Variants in DIXDC1 observed in about 807,000 individuals in gnomAD.
DIXDC1 encodes dixin.
Under a neutral mutation model 103.1 loss-of-function variants are expected in DIXDC1, and 64 were observed. The observed-to-expected ratio is 0.62, with a 90% CI of 0.51 to 0.76. The LOEUF (loss-of-function observed/expected upper bound fraction) is 0.76. DIXDC1 is among the 30% of genes least tolerant of loss of function. DIXDC1 has a pLI of 0.00. For synonymous variants in DIXDC1, 266 were observed against 298.5 expected (o/e 0.89, Z 1.12); for missense variants, 759 against 834.2 (o/e 0.91, Z 1.11).
intron 5 of DIXDC1, chr11:111,975,316 G>A: frequency 8.8e-7 from 1 of 1,140,912 alleles, no homozygotes; most frequent in South Asian, 2.2e-5. Context: ...GTTTATGATA[G>A]CCAGTTCCAT....
At chr11:111,966,091 A>T (rs897886915) in intron 2 of DIXDC1, among the ~76,000 whole-genome samples, 1 of 151,754 alleles carries the variant, frequency 6.6e-6, no homozygotes, top group Non-Finnish European at 1.5e-5. Context: ...AGTTTCTTGC[A>T]TTTCTTCCCA....
chr11:111,999,339 C>A (rs1555175736), intron 17 of DIXDC1, among the ~76,000 whole-genome samples: 1 of 152,060 alleles, frequency 6.6e-6, no homozygotes, highest in Non-Finnish European at 1.5e-5. Context: ...CCCATATAAC[C>A]AGAGAATGTT....
rs587632759 is a variant in DIXDC1, at chr11:111,998,690, C to G, written c.1756+2544C>G. On this transcript the variant is annotated intron_variant, in intron 17 of 19. Coordinates refer to ENST00000440460, the MANE Select transcript of DIXDC1 (RefSeq NM_001037954.4). The surrounding 1 kb of genome is among the most constrained non-coding windows in gnomAD (Gnocchi z 4.1). Reference sequence around the variant, plus strand: ...TCCTGATTACAGGCGCCCGCCACCACGCCCGGCTAATTTTTTGTATTTTAG... The same window carrying G: ...TCCTGATTACAGGCGCCCGCCACCAGGCCCGGCTAATTTTTTGTATTTTAG... Among the ~76,000 whole-genome samples, 1 of 152,108 alleles carries G rather than the reference C, an allele frequency of 6.6e-6. No homozygotes were observed. The highest frequency in any genetic ancestry group is 1.5e-5 in the Non-Finnish European group (1 of 68,030).
At position 111,998,826 on chromosome 11, in the gene DIXDC1, G is replaced by A. The variant is rs10891306; in HGVS notation, c.1756+2680G>A. On this transcript the variant is annotated intron_variant, in intron 17 of 19. Transcript: ENST00000440460. The surrounding 1 kb of genome is among the most constrained non-coding windows in gnomAD (Gnocchi z 4.1). ...TGGGATTACAGGCGTGAGCCACCGC[G>A]CCTGGCCTAGTACTATATTTTTAAA... Among the ~76,000 whole-genome samples, 4 of 151,968 alleles carry A rather than the reference G, an allele frequency of 2.6e-5. No individual in the cohort carries two copies. Among genetic ancestry groups the A allele is most frequent in the African/African-American group, 7.3e-5 (3 of 41,358 alleles).
chr11:111,974,284 G>C (rs1555172381), intron 4 of DIXDC1, 30 bp downstream of exon 4: 10 of 1,583,108 alleles, frequency 6.3e-6, no homozygotes, highest in Non-Finnish European at 8.6e-6. Flanking sequence ...GGTGGGAACT[G>C]ATCCCTCTCT....
chr11:112,017,933 A>C lies in DIXDC1; in HGVS notation c.1971+48A>C, dbSNP rs1555177961. 2 of 1,462,592 alleles carry C rather than the reference A, an allele frequency of 1.4e-6. No homozygotes were observed. Among genetic ancestry groups the C allele is most frequent in the Non-Finnish European group, 1.9e-6 (2 of 1,064,882 alleles). The allele number at this position is 1,462,592 out of a possible 1,614,324, so 90.6% of individuals were successfully genotyped here. A position where few individuals can be genotyped will look rare whatever the true frequency, so the allele number is the denominator to read the frequency against. ...GTATGGTATTATTGGTCCTTTCTGA[A>C]CCCTGAAGCCTCCTGTTCAAGCACT... On this transcript the variant is annotated intron_variant, in intron 19 of 19. Transcript: ENST00000440460. This position sits in a 1 kb window ranked among gnomAD's most constrained non-coding sequence, Gnocchi z 4.0.
intron 9 of DIXDC1, 38 bp downstream of exon 9, chr11:111,986,962 T>C: frequency 6.5e-7 from 1 of 1,533,906 alleles, no homozygotes. Context: ...CTTAAAAACA[T>C]TATGGGGGCC....
intron 5 of DIXDC1, among the ~76,000 whole-genome samples, chr11:111,978,572 C>T (rs1353036749): frequency 3.3e-5 from 5 of 152,206 alleles, no homozygotes; most frequent in Non-Finnish European, 5.9e-5. Context: ...GATATCCAGA[C>T]ATCCGCCTCC....
chr11:111,959,291 A>G (rs1488216178), intron 1 of DIXDC1, among the ~76,000 whole-genome samples: 1 of 152,230 alleles, frequency 6.6e-6, no homozygotes, highest in Admixed American at 6.5e-5. Flanking sequence ...GAGCTCCCCA[A>G]GCCAGGGCTG....
rs1431319705 is a variant in DIXDC1 at position 111,998,140 on chromosome 11, C to T, written c.1756+1994C>T. Among the ~76,000 whole-genome samples the T allele has an allele frequency of 3.9e-5, 6 of 152,226 alleles. No homozygotes were observed. The highest frequency in any genetic ancestry group is 1.4e-4 in the African/African-American group (6 of 41,494). On this transcript the variant is annotated intron_variant, in intron 17 of 19. Coordinates refer to ENST00000440460, the MANE Select transcript of DIXDC1 (RefSeq NM_001037954.4). This position sits in a 1 kb window ranked among gnomAD's most constrained non-coding sequence, Gnocchi z 4.1. ...TTCATTGTCTTTTCAAAAGCATTTA[C>T]TATTCTCTAAAAGTCTCCTGGAAAC...
Position 111,942,873 on chromosome 11 carries a change from C to T in DIXDC1, c.60+5314C>T, listed in dbSNP as rs368557633. Among the ~76,000 whole-genome samples, 15 of 152,266 alleles carry T rather than the reference C, an allele frequency of 9.9e-5. No homozygotes were observed. In the South Asian group the frequency reaches 1.9e-3, roughly 19 times the overall value. ...GGTACTGAACCTGACTGCCATCAGT[C>T]GGAGCCTGTTTCTCTTCATGTTTTC... is the stretch of plus-strand genomic sequence containing the variant. On this transcript the variant is annotated intron_variant, in intron 1 of 19. Coordinates refer to ENST00000440460, the MANE Select transcript of DIXDC1 (RefSeq NM_001037954.4).
chr11:112,018,837 A>C, intron 19 of DIXDC1, 119 bp from the exon 20 acceptor site: 1 of 766,826 alleles, frequency 1.3e-6, no homozygotes, highest in Non-Finnish European at 2.1e-6. Context: ...CCAAAAGGAC[A>C]TAGACTCTTA....
chr11:112,005,772 G>A (rs1395877962), intron 17 of DIXDC1, among the ~76,000 whole-genome samples: 2 of 152,168 alleles, frequency 1.3e-5, no homozygotes, highest in Non-Finnish European at 2.9e-5. Context: ...GATAAATCTA[G>A]TTACAATTGG....
At chr11:111,975,820 A>G (rs1196720608) in intron 5 of DIXDC1, 2 of 985,016 alleles carry the variant, frequency 2.0e-6, no homozygotes, top group Non-Finnish European at 2.4e-6. Flanking sequence ...ATAAAACTCC[A>G]TCCTATTTTA....
In DIXDC1 at chr11:112,017,647, C is replaced by T. The variant is rs587622863; in HGVS notation, c.1863-130C>T. The T allele has an allele frequency of 8.0e-6, 5 of 626,200 alleles. No individual in the cohort carries two copies. The highest frequency in any genetic ancestry group is 2.1e-5 in the South Asian group (1 of 47,304). 38.8% of individuals were successfully genotyped at this position (626,200 alleles called of 1,614,324 possible). On this transcript the variant is annotated intron_variant, in intron 18 of 19. Transcript: ENST00000440460. The surrounding 1 kb of genome is among the most constrained non-coding windows in gnomAD (Gnocchi z 4.0). ...CTGCTGTTTTAGTCATCTGGGTTAT[C>T]GGGGCAGTGACCTAACAAGGGGCTA...
At chr11:111,991,121 C>G (rs1440048340) in intron 10 of DIXDC1, among the ~76,000 whole-genome samples, 1 of 152,198 alleles carries the variant, frequency 6.6e-6, no homozygotes, top group Non-Finnish European at 1.5e-5. Flanking sequence ...CGTTCATGGG[C>G]TAGACTATTC....
In DIXDC1 at chr11:111,992,494, A is replaced by G. The variant is rs1555174655; in HGVS notation, c.1193A>G (p.Asp398Gly). 2 of 1,570,928 alleles carry G rather than the reference A, an allele frequency of 1.3e-6. No homozygotes were observed. The highest frequency in any genetic ancestry group is 3.7e-5 in the Admixed American group (2 of 53,502). Residue 398 changes from aspartate (D) to glycine (G), a missense_variant, in exon 11 of 20, where the codon GAC becomes GGC. This residue lies in a region of DIXDC1 where 657 missense variants were observed against 727.5 expected (regional missense o/e 0.90). Coordinates refer to ENST00000440460, the MANE Select transcript of DIXDC1 (RefSeq NM_001037954.4). The stretch of plus-strand genomic sequence containing the variant: ...CAAGAGCTACTGAGGGCAAATATGG[A>G]CAAAGATGAGCTGCACAACCAGAAT... ...LKQELLRANM[D>G]KDELHNQNVD...
rs1860124314 is a variant in DIXDC1, at chr11:111,977,100, G to A, written c.656+2117G>A. ...ACGCGGCTCTTCCCCTGCCTATCCTGAGGCTCCCAATCTCCTCTCCTCGCA... is the reference window on the plus strand; with the variant it reads ...ACGCGGCTCTTCCCCTGCCTATCCTAAGGCTCCCAATCTCCTCTCCTCGCA... On this transcript the variant is annotated intron_variant, in intron 5 of 19. Coordinates refer to ENST00000440460, the MANE Select transcript of DIXDC1 (RefSeq NM_001037954.4). The surrounding 1 kb of genome is among the most constrained non-coding windows in gnomAD (Gnocchi z 6.1). The A allele has an allele frequency of 4.4e-6, 1 of 226,896 alleles. No homozygotes were observed. The highest frequency in any genetic ancestry group is 2.3e-5 in the African/African-American group (1 of 42,846). The allele number at this position is 226,896 out of a possible 1,614,324, so 14.1% of individuals were successfully genotyped here.
chr11:112,021,104 AAC>A lies in DIXDC1; in HGVS notation c.*2070_*2071del, dbSNP rs1566596856. 1 of 152,210 alleles carries A rather than the reference AAC, an allele frequency of 6.6e-6. No homozygotes were observed. The highest frequency in any genetic ancestry group is 2.4e-5 in the African/African-American group (1 of 41,448). The allele number at this position is 152,210 out of a possible 1,614,324, so 9.4% of individuals were successfully genotyped here. On this transcript the variant is annotated 3_prime_UTR_variant, in exon 20 of 20. Coordinates refer to ENST00000440460, the MANE Select transcript of DIXDC1 (RefSeq NM_001037954.4). ...TTTACTTGTCAGTTTTCTCTCAGCA[AAC>A]AGTCTTACTATTATGTGGAATTTAA... is the stretch of plus-strand genomic sequence containing the variant.
Sources: allele counts gnomAD v4.1 joint callset (sites outside exome capture counted in the v4.1 genomes callset), GRCh38; gene constraint gnomAD v4.1.1; regional missense constraint gnomAD v4.1.1; non-coding constraint Gnocchi (gnomAD v3.1); transcripts MANE v1.5; gene names NCBI Gene and HGNC (gene_info 2026-07-23, HGNC 2026-07-21).